SPARC: variants seen among roughly 807,000 people sequenced by gnomAD.
SPARC encodes the protein basement-membrane protein 40.
In SPARC, 23 loss-of-function variants were observed where a neutral mutation model predicts 37.7. The ratio of observed to expected loss-of-function variants is 0.61; its 90% CI spans 0.44 to 0.87. SPARC has a LOEUF of 0.87. SPARC is among the 40% of genes least tolerant of loss of function. SPARC has a pLI of 0.00. For missense variants in SPARC, 312 were observed against 389.0 expected (o/e 0.80, Z 1.66); for synonymous variants, 155 against 150.8 (o/e 1.03, Z -0.20).
At chr5:151,672,790 T>C in intron 4 of SPARC, 2 of 301,722 alleles carry the variant, frequency 6.6e-6, no homozygotes, top group South Asian at 9.6e-5. Flanking sequence ...CAATGGGAGA[T>C]TTCGGTGACC....
chr5:151,677,491 A>G (rs1401021083), intron 1 of SPARC, among the ~76,000 whole-genome samples: 1 of 152,232 alleles, frequency 6.6e-6, no homozygotes, highest in East Asian at 1.9e-4. Context: ...ATCATGGAGA[A>G]AAATACTCAG....
At chr5:151,668,947 C>G (rs1760687827) in intron 6 of SPARC, among the ~76,000 whole-genome samples, 1 of 152,140 alleles carries the variant, frequency 6.6e-6, no homozygotes, top group African/African-American at 2.4e-5. Context: ...CCAGAATACA[C>G]AAGACCCACA....
intron 1 of SPARC, among the ~76,000 whole-genome samples, chr5:151,680,746 A>G (rs1422675475): frequency 1.3e-5 from 2 of 152,200 alleles, no homozygotes; most frequent in African/African-American, 2.4e-5. Flanking sequence ...TTGTTCCCCA[A>G]TGTGTAAAAT....
chr5:151,669,842 A>G, intron 5 of SPARC, 58 bp from the exon 6 acceptor site: 2 of 1,603,976 alleles, frequency 1.2e-6, no homozygotes, highest in Non-Finnish European at 1.7e-6. Flanking sequence ...CGCTGATACC[A>G]ATATCCTTGT....
At chr5:151,667,078 G>T (rs908757084) in intron 7 of SPARC, among the ~76,000 whole-genome samples, 1 of 152,128 alleles carries the variant, frequency 6.6e-6, no homozygotes, top group Non-Finnish European at 1.5e-5. Flanking sequence ...CAGCTTCCTG[G>T]GCCTTGCTTT....
intron 5 of SPARC, among the ~76,000 whole-genome samples, chr5:151,671,095 T>A (rs1760739643): frequency 6.6e-6 from 1 of 152,230 alleles, no homozygotes; most frequent in Non-Finnish European, 1.5e-5. Context: ...TGGATACTTG[T>A]TATGTACCAA....
intron 1 of SPARC, among the ~76,000 whole-genome samples, chr5:151,682,150 T>C (rs1169754899): frequency 6.6e-6 from 1 of 152,182 alleles, no homozygotes; most frequent in Non-Finnish European, 1.5e-5. Context: ...TTCTATTTCC[T>C]GCTGGAAGGA....
chr5:151,667,657 C>A (rs1028833600), intron 6 of SPARC, 57 bp from the exon 7 acceptor site: 1 of 1,569,080 alleles, frequency 6.4e-7, no homozygotes, highest in Non-Finnish European at 8.6e-7. Context: ...GTGCTCCCCA[C>A]CCCAGGCCCC....
Position 151,671,603 on chromosome 5 carries a change from G to C in SPARC, c.300C>G (p.Ser100Arg). Residue 100 changes from serine (S) to arginine (R), a missense_variant, in exon 5 of 10, where the codon AGC becomes AGG. Coordinates refer to ENST00000231061, the MANE Select transcript of SPARC (RefSeq NM_003118.4). ...CAAACTCGCCAATGGGGGCTGGGCA[G>C]CTGGTGGGGTCCTGGCACACGCACA... is the stretch of plus-strand genomic sequence containing the variant. The part of the protein sequence containing the change: ...TPMCVCQDPT[S>R]CPAPIGEFEK... 1 of 1,594,062 alleles carries C rather than the reference G, an allele frequency of 6.3e-7. No individual in the cohort carries two copies. Among genetic ancestry groups the C allele is most frequent in the Non-Finnish European group, 8.5e-7 (1 of 1,170,356 alleles).
At chr5:151,668,146 CTTTTTTT>C (rs1252379095) in intron 6 of SPARC, among the ~76,000 whole-genome samples, 15 of 125,578 alleles carry the variant, frequency 1.2e-4, no homozygotes, top group Non-Finnish European at 2.4e-4. Context: ...TTTCTTTTTT[CTTTTTTT>C]CTTCTTTTTT....
chr5:151,665,991 C>T (rs1760611082), intron 8 of SPARC, among the ~76,000 whole-genome samples: 1 of 152,202 alleles, frequency 6.6e-6, no homozygotes, highest in Non-Finnish European at 1.5e-5. Context: ...GCTGCTCTGC[C>T]CCTGGATGTT....
At position 151,663,424 on chromosome 5, in the gene SPARC, T is replaced by C; in HGVS notation, c.*147A>G. ...GTCATGTCTTGGGTTAGAATTTTCA[T>C]TTTTAGCACCGTTAATGTATTCACT... On this transcript the variant is annotated 3_prime_UTR_variant, in exon 10 of 10. Transcript: ENST00000231061. 1.3e-6 allele frequency: 1 copy of C among 778,390 alleles called. No homozygotes were observed. Among genetic ancestry groups the C allele is most frequent in the Non-Finnish European group, 2.1e-6 (1 of 466,706 alleles). 48.2% of individuals were successfully genotyped at this position (778,390 alleles called of 1,614,324 possible). A position where few individuals can be genotyped will look rare whatever the true frequency, so the allele number is the denominator to read the frequency against.
chr5:151,664,185 A>G lies in SPARC; in HGVS notation c.785T>C (p.Met262Thr). Residue 262 changes from methionine to threonine, a missense_variant, in exon 9 of 10, where the codon ATG (methionine) becomes ACG (threonine). Transcript: ENST00000231061. Reference sequence around the variant, plus strand: ...GAAAAAGCGGGTGGTGCAATGCTCCATGGGGATGAGGGGAGCACGCAGTGG... The same window carrying G: ...GAAAAAGCGGGTGGTGCAATGCTCCGTGGGGATGAGGGGAGCACGCAGTGG... ...LAPLRAPLIP[M>T]EHCTTRFFET... 1 of 1,614,156 alleles carries G rather than the reference A, an allele frequency of 6.2e-7. No homozygotes were observed. The highest frequency in any genetic ancestry group is 1.1e-5 in the South Asian group (1 of 91,082).
At chr5:151,667,621 C>T (rs763576989) in intron 6 of SPARC, 21 bp from the exon 7 acceptor site, 11 of 1,613,350 alleles carry the variant, frequency 6.8e-6, no homozygotes, top group Non-Finnish European at 9.3e-6. Context: ...AACACAAGGG[C>T]GGTCAGCACA....
chr5:151,667,724 A>G (rs537864931), intron 6 of SPARC, 124 bp from the exon 7 acceptor site: 4 of 1,017,836 alleles, frequency 3.9e-6, no homozygotes, highest in Non-Finnish European at 5.7e-6. Flanking sequence ...CAACCTCTCC[A>G]GGCCACAGTT....
chr5:151,682,819 G>A (rs1317776600), intron 1 of SPARC, among the ~76,000 whole-genome samples: 1 of 152,200 alleles, frequency 6.6e-6, no homozygotes, highest in African/African-American at 2.4e-5. Context: ...CTAATGCCAT[G>A]ACTAACATCA....
intron 8 of SPARC, among the ~76,000 whole-genome samples, chr5:151,665,998 T>C (rs1401639188): frequency 6.6e-6 from 1 of 152,196 alleles, no homozygotes; most frequent in Non-Finnish European, 1.5e-5. Context: ...TGCCCCTGGA[T>C]GTTCTGCTGA....
intron 7 of SPARC, 60 bp from the exon 8 acceptor site, chr5:151,666,569 G>GCCCTCCCAC: frequency 1.3e-6 from 2 of 1,532,644 alleles, no homozygotes; most frequent in East Asian, 2.3e-5. Flanking sequence ...GACCAGTCGG[G>GCCCTCCCAC]CCCTCCCACC....
chr5:151,674,967 C>G (rs959422302), intron 2 of SPARC, among the ~76,000 whole-genome samples: 21 of 152,192 alleles, frequency 1.4e-4, no homozygotes, highest in African/African-American at 5.1e-4. Context: ...CTTATAAAGT[C>G]TGAAAATCAC....
Sources: gnomAD v4.1 joint callset for allele counts (sites outside exome capture counted in the v4.1 genomes callset) on GRCh38, gnomAD v4.1.1 for gene constraint, MANE v1.5 for transcripts, NCBI Gene and HGNC (gene_info 2026-07-23, HGNC 2026-07-21) for gene names.